PPFIA2: variants seen among roughly 807,000 people sequenced by gnomAD.
PPFIA2 encodes liprin-alpha-2.
PPFIA2 carries 46 observed loss-of-function variants against 175.5 expected under a neutral mutation model. The ratio of observed to expected loss-of-function variants is 0.26; its 90% CI spans 0.21 to 0.34. The LOEUF (loss-of-function observed/expected upper bound fraction) is 0.34. Among genes scored for constraint, PPFIA2 ranks in the 10% least tolerant of loss-of-function variants. The pLI is 1.00. For missense variants in PPFIA2, 1,179 were observed against 1,506.1 expected (o/e 0.78, Z 3.60); for synonymous variants, 568 against 511.4 (o/e 1.11, Z -1.49).
chr12:81,588,552 T>A (rs1441647342), intron 4 of PPFIA2, among the ~76,000 whole-genome samples: 1 of 152,068 alleles, frequency 6.6e-6, no homozygotes. Context: ...CTAATCAATC[T>A]GTTCAAAACT....
intron 4 of PPFIA2, among the ~76,000 whole-genome samples, chr12:81,561,217 T>G (rs1208283470): frequency 6.6e-6 from 1 of 152,144 alleles, no homozygotes; most frequent in Middle Eastern, 3.2e-3. Flanking sequence ...AGAGCAAACT[T>G]CATGAACAGA....
intron 4 of PPFIA2, among the ~76,000 whole-genome samples, chr12:81,659,785 C>A (rs11114968): frequency 0.3 from 46,355 of 152,064 alleles, 8,113 homozygotes; most frequent in Middle Eastern, 0.4. Flanking sequence ...CCCTGAGTAG[C>A]CTAACTGGGA....
chr12:81,384,670 C>A (rs2038527215), intron 8 of PPFIA2, among the ~76,000 whole-genome samples: 1 of 151,986 alleles, frequency 6.6e-6, no homozygotes, highest in African/African-American at 2.4e-5. Flanking sequence ...AATTTTTCTT[C>A]AAGATCCCTT....
At chr12:81,713,191 T>C (rs2078175605) in intron 3 of PPFIA2, among the ~76,000 whole-genome samples, 1 of 151,174 alleles carries the variant, frequency 6.6e-6, no homozygotes, top group South Asian at 2.1e-4. Flanking sequence ...TCTGATTGAA[T>C]GCTAAGAGCT....
intron 11 of PPFIA2, 67 bp downstream of exon 11, chr12:81,374,567 A>G: frequency 6.7e-7 from 1 of 1,493,358 alleles, no homozygotes. Context: ...ATCTTTACAC[A>G]TTCCATTTTG....
intron 11 of PPFIA2, 147 bp downstream of exon 11, chr12:81,374,487 G>T: frequency 2.5e-6 from 2 of 785,744 alleles, no homozygotes; most frequent in Non-Finnish European, 3.6e-6. Flanking sequence ...TGTATGACAA[G>T]AAAAAAATTG....
intron 8 of PPFIA2, among the ~76,000 whole-genome samples, chr12:81,397,284 A>C (rs142912065): frequency 1.1e-4 from 16 of 152,056 alleles, no homozygotes; most frequent in African/African-American, 3.6e-4. Context: ...GAAGAGAAGA[A>C]ACTGGGAGTT....
chr12:81,721,917 T>A (rs1278781369), intron 3 of PPFIA2, among the ~76,000 whole-genome samples: 1 of 151,136 alleles, frequency 6.6e-6, no homozygotes, highest in Non-Finnish European at 1.5e-5. Flanking sequence ...TATAACAGTG[T>A]CTGATATATT....
intron 6 of PPFIA2, among the ~76,000 whole-genome samples, chr12:81,444,089 C>T (rs1445346627): frequency 2.6e-5 from 4 of 151,664 alleles, no homozygotes; most frequent in Admixed American, 2.6e-4. Flanking sequence ...CTCCTGACCT[C>T]GTGATCCGCC....
chr12:81,339,966 T>C (rs9783447), intron 20 of PPFIA2, among the ~76,000 whole-genome samples: 24,530 of 152,026 alleles, frequency 0.16, 2,760 homozygotes, highest in East Asian at 0.42. Context: ...TTTCAAGCAG[T>C]TGGTTAAGTT....
chr12:81,284,496 C>T (rs2042822007), intron 24 of PPFIA2, 193 bp from the exon 25 acceptor site: 1 of 537,546 alleles, frequency 1.9e-6, no homozygotes, highest in African/African-American at 1.9e-5. Flanking sequence ...AAAAGATTAA[C>T]TAGAAAGAGG....
chr12:81,707,237 C>A (rs2077280212), intron 3 of PPFIA2, among the ~76,000 whole-genome samples: 1 of 151,772 alleles, frequency 6.6e-6, no homozygotes, highest in African/African-American at 2.4e-5. Context: ...AACAGGCAAC[C>A]CACAAAATGG....
At chr12:81,695,764 G>A (rs117214226) in intron 3 of PPFIA2, among the ~76,000 whole-genome samples, 327 of 152,218 alleles carry the variant, frequency 2.1e-3, no homozygotes, top group Non-Finnish European at 3.8e-3. Flanking sequence ...AAACTTTTCT[G>A]CTCAAATGAT....
At position 81,415,177 on chromosome 12, in the gene PPFIA2, T is replaced by TAA. The variant is rs1165680008; in HGVS notation, c.646-9276_646-9275dup. Among the ~76,000 whole-genome samples the TAA allele has an allele frequency of 1.3e-4, 2 of 15,340 alleles. 1 individual carries two copies. 10.1% of individuals were successfully genotyped at this position (15,340 alleles called of 152,430 possible). On this transcript the variant is annotated intron_variant, in intron 7 of 32. Transcript: ENST00000549396. ...TTGTGAGAATTTATCTTGGTTCAGGTAAAAAAAAAAAAAAAAAAAAAAAAA... is the reference window on the plus strand; with the variant it reads ...TTGTGAGAATTTATCTTGGTTCAGGTAAAAAAAAAAAAAAAAAAAAAAAAAAA...
intron 21 of PPFIA2, 100 bp downstream of exon 21, chr12:81,339,080 A>C (rs1194407962): frequency 2.7e-6 from 3 of 1,125,688 alleles, no homozygotes; most frequent in Non-Finnish European, 3.6e-6. Flanking sequence ...AAAAGAGAAG[A>C]AATGAAAAGA....
chr12:81,499,844 G>T (rs1236038313), intron 4 of PPFIA2, among the ~76,000 whole-genome samples: 1 of 151,960 alleles, frequency 6.6e-6, no homozygotes, highest in Non-Finnish European at 1.5e-5. Context: ...AGAAAAGAAA[G>T]AAATTGTTTT....
intron 4 of PPFIA2, among the ~76,000 whole-genome samples, chr12:81,577,153 C>T (rs2073694277): frequency 1.3e-5 from 2 of 151,832 alleles, no homozygotes; most frequent in African/African-American, 2.4e-5. Flanking sequence ...AACAGACAAA[C>T]ATTAGAATAT....
chr12:81,723,458 G>T (rs942860115), intron 3 of PPFIA2, among the ~76,000 whole-genome samples: 2 of 150,990 alleles, frequency 1.3e-5, no homozygotes, highest in Non-Finnish European at 3.0e-5. Context: ...TGAAAACAAT[G>T]ACCAAATATG....
At chr12:81,726,508 A>G (rs994865290) in intron 3 of PPFIA2, among the ~76,000 whole-genome samples, 1 of 151,244 alleles carries the variant, frequency 6.6e-6, no homozygotes, top group Non-Finnish European at 1.5e-5. Flanking sequence ...AGCTACTGAA[A>G]ACTTGCAGAA....
Sources: gnomAD v4.1 joint callset for allele counts (sites outside exome capture counted in the v4.1 genomes callset) on GRCh38, gnomAD v4.1.1 for gene constraint, MANE v1.5 for transcripts, NCBI Gene and HGNC (gene_info 2026-07-23, HGNC 2026-07-21) for gene names.